LRRTM4: variants seen among roughly 807,000 people sequenced by gnomAD.
LRRTM4 encodes leucine-rich repeat transmembrane neuronal protein 4.
Under a neutral mutation model 47.6 loss-of-function variants are expected in LRRTM4, and 25 were observed. The observed-to-expected ratio is 0.53, with a 90% CI of 0.38 to 0.73. The LOEUF is 0.73. LRRTM4 is among the 30% of genes least tolerant of loss of function. The probability of loss-of-function intolerance (pLI) is 0.00; values close to 1 mark genes in which losing one functional copy is unlikely to be tolerated. For synonymous variants in LRRTM4, 311 were observed against 269.5 expected (o/e 1.15, Z -1.51); for missense variants, 638 against 713.4 (o/e 0.89, Z 1.20).
chr2:77,118,519 G>A (rs1003270762), intron 3 of LRRTM4, among the ~76,000 whole-genome samples: 2 of 151,896 alleles, frequency 1.3e-5, no homozygotes, highest in African/African-American at 4.8e-5. Flanking sequence ...GATGGATGGA[G>A]CATGCAACAG....
At chr2:76,773,584 A>G (rs1484014018) in intron 3 of LRRTM4, among the ~76,000 whole-genome samples, 2 of 152,044 alleles carry the variant, frequency 1.3e-5, no homozygotes, top group Non-Finnish European at 2.9e-5. Context: ...TTAATTTTAG[A>G]TAAAGTGATT....
intron 3 of LRRTM4, among the ~76,000 whole-genome samples, chr2:77,459,759 C>CAA (rs59472827): frequency 4.0e-5 from 5 of 126,334 alleles, no homozygotes; most frequent in African/African-American, 1.5e-4. Flanking sequence ...CTGGTTTTAG[C>CAA]AAAAAAAAAA....
At chr2:77,201,899 A>C (rs1313850858) in intron 3 of LRRTM4, among the ~76,000 whole-genome samples, 1 of 152,126 alleles carries the variant, frequency 6.6e-6, no homozygotes, top group East Asian at 1.9e-4. Context: ...GAAGGATGTC[A>C]TCGATGCTAT....
intron 3 of LRRTM4, among the ~76,000 whole-genome samples, chr2:76,929,143 G>C (rs899080118): frequency 1.3e-5 from 2 of 152,154 alleles, no homozygotes; most frequent in African/African-American, 2.4e-5. Flanking sequence ...CTCTCAGGAG[G>C]AGCTCTGGAG....
At chr2:77,315,474 C>T (rs1287619699) in intron 3 of LRRTM4, among the ~76,000 whole-genome samples, 2 of 152,074 alleles carry the variant, frequency 1.3e-5, no homozygotes, top group African/African-American at 4.8e-5. Flanking sequence ...ATTGCTAGTG[C>T]TGTAAAATTT....
chr2:77,095,354 A>G (rs1169659193), intron 3 of LRRTM4, among the ~76,000 whole-genome samples: 1 of 152,128 alleles, frequency 6.6e-6, no homozygotes, highest in Non-Finnish European at 1.5e-5. Context: ...AGGCTCCTCA[A>G]AACACTAAAA....
At chr2:77,374,842 A>T (rs933547197) in intron 3 of LRRTM4, among the ~76,000 whole-genome samples, 3 of 149,442 alleles carry the variant, frequency 2.0e-5, no homozygotes, top group Non-Finnish European at 4.5e-5. Flanking sequence ...AAAGTGAAAA[A>T]CTCTCTCATC....
intron 3 of LRRTM4, among the ~76,000 whole-genome samples, chr2:76,819,237 T>C (rs897198027): frequency 2.1e-5 from 3 of 140,048 alleles, no homozygotes; most frequent in African/African-American, 7.9e-5. Flanking sequence ...TATTATATCA[T>C]AGAATGTTTT....
At chr2:77,497,485 GACTCT>G (rs1445114694) in intron 3 of LRRTM4, among the ~76,000 whole-genome samples, 1 of 150,580 alleles carries the variant, frequency 6.6e-6, no homozygotes, top group African/African-American at 2.4e-5. Flanking sequence ...TGTTTTATGG[GACTCT>G]ACAATAAGAA....
intron 3 of LRRTM4, among the ~76,000 whole-genome samples, chr2:76,892,007 A>G (rs1343173256): frequency 6.7e-6 from 1 of 148,796 alleles, no homozygotes; most frequent in African/African-American, 2.6e-5. Flanking sequence ...AAAAATAAAA[A>G]AATTGCAGAA....
At chr2:76,783,753 T>C (rs1674519386) in intron 3 of LRRTM4, among the ~76,000 whole-genome samples, 1 of 152,192 alleles carries the variant, frequency 6.6e-6, no homozygotes, top group African/African-American at 2.4e-5. Context: ...TTTGCTCCAC[T>C]TGGATATTTC....
At chr2:77,010,441 C>T (rs1198425209) in intron 3 of LRRTM4, among the ~76,000 whole-genome samples, 4 of 149,542 alleles carry the variant, frequency 2.7e-5, no homozygotes, top group African/African-American at 7.4e-5. Context: ...CTGGTTGATC[C>T]ATGTTTTTTC....
chr2:77,233,658 C>T (rs964645672), intron 3 of LRRTM4, among the ~76,000 whole-genome samples: 10 of 152,142 alleles, frequency 6.6e-5, no homozygotes, highest in African/African-American at 2.4e-4. Flanking sequence ...AGTTCAATTG[C>T]TTAACAATGG....
intron 3 of LRRTM4, among the ~76,000 whole-genome samples, chr2:77,088,281 G>A (rs890276470): frequency 4.6e-5 from 7 of 152,170 alleles, no homozygotes; most frequent in African/African-American, 1.4e-4. Flanking sequence ...GCACGTATAC[G>A]CCCAGATGGC....
intron 3 of LRRTM4, among the ~76,000 whole-genome samples, chr2:77,280,282 C>T (rs1275222778): frequency 6.6e-6 from 1 of 151,882 alleles, no homozygotes; most frequent in Admixed American, 6.6e-5. Context: ...TAGAGCCTCC[C>T]GAAGAAATGT....
At chr2:77,269,100 C>T (rs1676126859) in intron 3 of LRRTM4, among the ~76,000 whole-genome samples, 1 of 152,086 alleles carries the variant, frequency 6.6e-6, no homozygotes. Flanking sequence ...TTCTAGATCT[C>T]AGCTGAAATT....
chr2:77,223,783 C>T (rs1160539954), intron 3 of LRRTM4, among the ~76,000 whole-genome samples: 1 of 152,120 alleles, frequency 6.6e-6, no homozygotes, highest in Non-Finnish European at 1.5e-5. Context: ...GGCCATACTG[C>T]CCAAGGTAAT....
rs1421040857 is a variant in LRRTM4, at chr2:77,211,077, T to G, written c.1551+307241A>C. 2.6e-5 allele frequency among the ~76,000 whole-genome samples: 4 copies of G among 151,388 alleles called. No homozygotes were observed. The East Asian group carries it at 7.9e-4, about 30-fold the overall frequency. Reference sequence around the variant, plus strand: ...TCCAGGAAAACAGAACCCAGGTAATTACATAAAATAATTCAATATGGGGAA... The same window carrying G: ...TCCAGGAAAACAGAACCCAGGTAATGACATAAAATAATTCAATATGGGGAA... On this transcript the variant is annotated intron_variant, in intron 3 of 3. Transcript: ENST00000409884.
At chr2:76,819,872 T>G (rs1025153936) in intron 3 of LRRTM4, among the ~76,000 whole-genome samples, 3 of 151,928 alleles carry the variant, frequency 2.0e-5, no homozygotes, top group Non-Finnish European at 4.4e-5. Flanking sequence ...TTTTGCTTTT[T>G]CAGGAATCCC....
Sources: gnomAD v4.1 joint callset for allele counts (sites outside exome capture counted in the v4.1 genomes callset) on GRCh38, gnomAD v4.1.1 for gene constraint, MANE v1.5 for transcripts, NCBI Gene and HGNC (gene_info 2026-07-23, HGNC 2026-07-21) for gene names.